The following SOHLH2 variants were observed in gnomAD, a reference collection of about 807,000 sequenced individuals.
SOHLH2 encodes spermatogenesis- and oogenesis-specific basic helix-loop-helix-containing protein 2.
Under a neutral mutation model 50.4 loss-of-function variants are expected in SOHLH2, and 22 were observed. The observed-to-expected ratio is 0.44, with a 90% CI of 0.31 to 0.62. The LOEUF (loss-of-function observed/expected upper bound fraction) is 0.62, where lower values mean the gene tolerates loss of function less well. Ranked by LOEUF, SOHLH2 falls within the 20% of genes least tolerant of loss-of-function variation. The pLI, the probability that SOHLH2 is intolerant of heterozygous loss-of-function variation, is 0.08. For synonymous variants in SOHLH2, 185 were observed against 187.3 expected (o/e 0.99, Z 0.10); for missense variants, 412 against 504.4 (o/e 0.82, Z 1.76).
intron 4 of SOHLH2, among the ~76,000 whole-genome samples, chr13:36,193,249 T>A (rs947672653): frequency 6.6e-6 from 1 of 152,206 alleles, no homozygotes; most frequent in Admixed American, 6.5e-5. Flanking sequence ...TGCAAGTGTT[T>A]TGCAAAGAAG....
chr13:36,179,584 T>C (rs2138276552), intron 6 of SOHLH2, among the ~76,000 whole-genome samples: 1 of 148,762 alleles, frequency 6.7e-6, no homozygotes, highest in African/African-American at 2.5e-5. Flanking sequence ...AATTTTTTTA[T>C]TTTTTTTTTG....
intron 6 of SOHLH2, chr13:36,183,081 C>T (rs1887304233): frequency 3.8e-6 from 1 of 261,452 alleles, no homozygotes; most frequent in South Asian, 3.9e-5. Flanking sequence ...TCTCCTTTCT[C>T]TCTCTCTTGC....
intron 2 of SOHLH2, among the ~76,000 whole-genome samples, chr13:36,200,769 GGC>G (rs1887875111): frequency 6.6e-6 from 1 of 152,058 alleles, no homozygotes; most frequent in South Asian, 2.1e-4. Context: ...AGCAGAACTT[GGC>G]TAGGCATGGT....
At chr13:36,169,542 A>G (rs1411902904) in intron 10 of SOHLH2, among the ~76,000 whole-genome samples, 2 of 152,246 alleles carry the variant, frequency 1.3e-5, no homozygotes, top group African/African-American at 2.4e-5. Flanking sequence ...GATCATGCAC[A>G]TTAAGTACAC....
At chr13:36,200,836 G>A (rs890240911) in intron 2 of SOHLH2, among the ~76,000 whole-genome samples, 2 of 151,830 alleles carry the variant, frequency 1.3e-5, no homozygotes, top group African/African-American at 2.4e-5. Context: ...GGATCACGAG[G>A]TCAGGAGTTT....
At chr13:36,200,923 C>T (rs1469441178) in intron 2 of SOHLH2, among the ~76,000 whole-genome samples, 1 of 151,904 alleles carries the variant, frequency 6.6e-6, no homozygotes. Flanking sequence ...GTGGCACCTG[C>T]CTGTCATCCC....
intron 9 of SOHLH2, 80 bp from the exon 10 acceptor site, chr13:36,170,867 C>T (rs929636875): frequency 2.6e-6 from 4 of 1,538,194 alleles, no homozygotes; most frequent in African/African-American, 1.4e-5. Flanking sequence ...ACATAAACTG[C>T]CCGCTATTTC....
intron 1 of SOHLH2, among the ~76,000 whole-genome samples, chr13:36,210,504 G>C (rs187442758): frequency 2.6e-5 from 4 of 152,118 alleles, no homozygotes; most frequent in Admixed American, 1.3e-4. Context: ...TAAGAACTAT[G>C]CATTGCATTT....
intron 5 of SOHLH2, 35 bp from the exon 6 acceptor site, chr13:36,190,091 G>A: frequency 6.4e-7 from 1 of 1,560,334 alleles, no homozygotes; most frequent in South Asian, 1.2e-5. Context: ...ATACATTAAA[G>A]GGGAAAATTG....
chr13:36,196,669 C>G (rs556318637), intron 2 of SOHLH2, among the ~76,000 whole-genome samples: 1 of 152,074 alleles, frequency 6.6e-6, no homozygotes, highest in Non-Finnish European at 1.5e-5. Flanking sequence ...AGAAATCTTC[C>G]TATGTCCATT....
intron 9 of SOHLH2, among the ~76,000 whole-genome samples, chr13:36,172,538 G>A (rs1392785704): frequency 3.9e-5 from 6 of 152,180 alleles, no homozygotes; most frequent in Non-Finnish European, 4.4e-5. Flanking sequence ...TTGTTCCCAT[G>A]GCTTCCGCCA....
In SOHLH2 at chr13:36,185,878, A is replaced by AT. The variant is rs142262591; in HGVS notation, c.641+4067dup. On this transcript the variant is annotated intron_variant, in intron 6 of 10. Transcript: ENST00000379881. ...TACAGAAATTGAATATGTAATTAAAATTTTCCCACGAAGAAAATTCCAAGC... is the reference window on the plus strand; with the variant it reads ...TACAGAAATTGAATATGTAATTAAAATTTTTCCCACGAAGAAAATTCCAAGC... Among the ~76,000 whole-genome samples the AT allele has an allele frequency of 9.6e-3, 1,467 of 152,322 alleles. 14 individuals are homozygous for AT. Among genetic ancestry groups the AT allele is most frequent in the Middle Eastern group, 0.031 (9 of 294 alleles).
Position 36,214,499 on chromosome 13 carries a change from G to A in SOHLH2, c.28C>T (p.His10Tyr), listed in dbSNP as rs1468723895. MASSIICQE[H>Y]CQISGQAKID... Reference sequence around the variant, plus strand: ...CTTACCTGGCCCGAGATCTGGCAGTGCTCCTGGCAGATAATTGAGGAAGCC... The same window carrying A: ...CTTACCTGGCCCGAGATCTGGCAGTACTCCTGGCAGATAATTGAGGAAGCC... Residue 10 changes from histidine to tyrosine, a missense_variant, in exon 1 of 11, where the codon CAC becomes TAC. Transcript: ENST00000379881. 8 of 1,612,916 alleles carry A rather than the reference G, an allele frequency of 5.0e-6. No homozygotes were observed. The highest frequency in any genetic ancestry group is 6.8e-6 in the Non-Finnish European group (8 of 1,179,528).
chr13:36,170,594 C>T lies in SOHLH2; in HGVS notation c.1194G>A (p.Lys398=). The T allele has an allele frequency of 1.9e-6, 3 of 1,614,130 alleles. No individual in the cohort carries two copies. The highest frequency in any genetic ancestry group is 2.5e-6 in the Non-Finnish European group (3 of 1,180,018). Residue 398 remains lysine, a synonymous_variant, in exon 10 of 11, where the codon AAG becomes AAA. Coordinates refer to ENST00000379881, the MANE Select transcript of SOHLH2 (RefSeq NM_017826.3). ...HLPSAMPPVS[K]LLPRHCTSGL... is the part of the protein sequence containing the mutation. The stretch of plus-strand genomic sequence containing the variant: ...CAGAAGTGCAGTGCCGAGGGAGAAG[C>T]TTTGAGACCGGGGGCATGGCTGAAG...
In SOHLH2 at chr13:36,207,124, G is replaced by T. The variant is rs140654023; in HGVS notation, c.49-5031C>A. 5.2e-3 allele frequency among the ~76,000 whole-genome samples: 795 copies of T among 151,828 alleles called. 4 individuals are homozygous for T. The highest frequency in any genetic ancestry group is 9.0e-3 in the Non-Finnish European group (609 of 67,874). ...TTAATTGAATTTACAGTTTTTACAAGCTGATCTTTCAGTTTTTAATGTATG... is the reference window on the plus strand; with the variant it reads ...TTAATTGAATTTACAGTTTTTACAATCTGATCTTTCAGTTTTTAATGTATG... On this transcript the variant is annotated intron_variant, in intron 1 of 10. Coordinates refer to ENST00000379881, the MANE Select transcript of SOHLH2 (RefSeq NM_017826.3).
At chr13:36,171,331 T>A (rs1886957276) in intron 9 of SOHLH2, among the ~76,000 whole-genome samples, 1 of 152,192 alleles carries the variant, frequency 6.6e-6, no homozygotes, top group Non-Finnish European at 1.5e-5. Context: ...AAAAATAATT[T>A]AAGCAACTGT....
chr13:36,196,783 T>A (rs965153949), intron 2 of SOHLH2, among the ~76,000 whole-genome samples: 2 of 152,188 alleles, frequency 1.3e-5, no homozygotes, highest in Non-Finnish European at 2.9e-5. Context: ...CTTTCAAATT[T>A]CAAGCTTTAC....
intron 6 of SOHLH2, among the ~76,000 whole-genome samples, chr13:36,184,800 G>A (rs563662251): frequency 2.0e-5 from 3 of 152,258 alleles, no homozygotes; most frequent in South Asian, 4.1e-4. Context: ...TGTGCAGAAC[G>A]TGTAGGTTTG....
intron 6 of SOHLH2, 49 bp downstream of exon 6, chr13:36,189,897 T>A (rs778276679): frequency 1.3e-6 from 2 of 1,495,436 alleles, no homozygotes; most frequent in African/African-American, 2.8e-5. Flanking sequence ...ATTCATTAAT[T>A]TCTCCCTACA....
Sources: allele counts gnomAD v4.1 joint callset (sites outside exome capture counted in the v4.1 genomes callset), GRCh38; gene constraint gnomAD v4.1.1; transcripts MANE v1.5; gene names NCBI Gene and HGNC (gene_info 2026-07-23, HGNC 2026-07-21).